RYR3: variants seen among roughly 807,000 people sequenced by gnomAD.
RYR3 encodes brain ryanodine receptor-calcium release channel.
Under a neutral mutation model 584.3 loss-of-function variants are expected in RYR3, and 207 were observed. That is an observed-to-expected ratio of 0.35 (90% CI 0.32 to 0.40). RYR3 has a LOEUF of 0.40. Ranked by LOEUF, RYR3 falls within the 10% of genes least tolerant of loss-of-function variation. The pLI, the probability that RYR3 is intolerant of heterozygous loss-of-function variation, is 1.00. For missense variants in RYR3, 5,616 were observed against 6,089.2 expected (o/e 0.92, Z 2.59); for synonymous variants, 2,416 against 2,248.5 (o/e 1.07, Z -2.11).
chr15:33,356,650 T>G (rs1974017753), intron 1 of RYR3, among the ~76,000 whole-genome samples: 2 of 152,202 alleles, frequency 1.3e-5, no homozygotes, highest in South Asian at 4.1e-4. Flanking sequence ...TTTTGAGGAT[T>G]AAATGAGAGA....
At chr15:33,812,787 T>C in intron 72 of RYR3, 76 bp from the exon 73 acceptor site, 1 of 1,469,702 alleles carries the variant, frequency 6.8e-7, no homozygotes, top group Non-Finnish European at 9.3e-7. Context: ...TACAGAACCA[T>C]GGTAGGACCA....
intron 100 of RYR3, among the ~76,000 whole-genome samples, 172 bp from the exon 101 acceptor site, chr15:33,860,420 CAAT>C (rs1887755655): frequency 6.6e-6 from 1 of 151,914 alleles, no homozygotes; most frequent in Admixed American, 6.6e-5. Context: ...TTAGGAGGAA[CAAT>C]GAGAAATTGT....
chr15:33,820,696 A>G, intron 77 of RYR3, 60 bp from the exon 78 acceptor site: 1 of 1,426,250 alleles, frequency 7.0e-7, no homozygotes, highest in Non-Finnish European at 9.7e-7. Flanking sequence ...AGTTGTGTTT[A>G]TTAGATTTCC....
At chr15:33,455,749 C>G (rs550755618) in intron 1 of RYR3, among the ~76,000 whole-genome samples, 1 of 151,898 alleles carries the variant, frequency 6.6e-6, no homozygotes, top group South Asian at 2.1e-4. Flanking sequence ...GATATTGGTC[C>G]TGGAAGAAAA....
chr15:33,629,888 A>G lies in RYR3; in HGVS notation c.2680-52A>G, dbSNP rs975084414. 3.1e-6 allele frequency: 3 copies of G among 956,598 alleles called. No homozygotes were observed. In the Admixed American group the frequency reaches 6.8e-5, roughly 22 times the overall value. 59.3% of individuals were successfully genotyped at this position (956,598 alleles called of 1,614,324 possible). A position where few individuals can be genotyped will look rare whatever the true frequency, so the allele number is the denominator to read the frequency against. On this transcript the variant is annotated intron_variant, in intron 21 of 103. Transcript: ENST00000634891. The stretch of plus-strand genomic sequence containing the variant: ...TATGTTCTGTTCTGTTTTCCCATGC[A>G]GTGCCAGCTGGTCAAAACTTAAATC...
intron 1 of RYR3, among the ~76,000 whole-genome samples, chr15:33,384,323 A>G (rs1030617812): frequency 2.0e-5 from 3 of 152,042 alleles, no homozygotes; most frequent in Admixed American, 2.0e-4. Context: ...AATGCAGGCC[A>G]GAGGCATCCG....
At chr15:33,394,065 C>T (rs1255262215) in intron 1 of RYR3, among the ~76,000 whole-genome samples, 1 of 152,208 alleles carries the variant, frequency 6.6e-6, no homozygotes, top group East Asian at 1.9e-4. Flanking sequence ...TTTGTGTTCT[C>T]TGCACCATCT....
intron 1 of RYR3, among the ~76,000 whole-genome samples, chr15:33,427,416 T>C (rs940824935): frequency 1.3e-5 from 2 of 152,190 alleles, no homozygotes; most frequent in East Asian, 1.9e-4. Flanking sequence ...TTAAGCAACA[T>C]AGACCTCATC....
intron 1 of RYR3, among the ~76,000 whole-genome samples, chr15:33,319,458 T>C (rs994704632): frequency 6.6e-5 from 10 of 152,214 alleles, no homozygotes; most frequent in Non-Finnish European, 1.5e-5. Context: ...CTCCAAGTAA[T>C]CCTCTCTTCT....
At chr15:33,338,496 G>T (rs914772642) in intron 1 of RYR3, among the ~76,000 whole-genome samples, 4 of 152,202 alleles carry the variant, frequency 2.6e-5, no homozygotes, top group African/African-American at 4.8e-5. Flanking sequence ...GTGCGTTTGT[G>T]TCTGGTGGGC....
In RYR3 at chr15:33,550,117, A is replaced by G. The variant is rs762919687; in HGVS notation, c.816-43A>G. 5.0e-6 allele frequency: 8 copies of G among 1,596,578 alleles called. No individual in the cohort carries two copies. In the African/African-American group the frequency reaches 8.1e-5, roughly 16 times the overall value. On this transcript the variant is annotated intron_variant, in intron 9 of 103. Transcript: ENST00000634891. ...ATAGGATAAATACTGAAAAGGACTT[A>G]TTTTTGTATAAATGCAATTTCTTGT...
chr15:33,435,511 T>C (rs978948208), intron 1 of RYR3, among the ~76,000 whole-genome samples: 4 of 152,224 alleles, frequency 2.6e-5, no homozygotes, highest in Admixed American at 6.5e-5. Flanking sequence ...AACATTCTTA[T>C]ACTTGTGTGA....
intron 1 of RYR3, among the ~76,000 whole-genome samples, chr15:33,325,188 C>T (rs987619139): frequency 2.0e-5 from 3 of 152,114 alleles, no homozygotes; most frequent in Non-Finnish European, 4.4e-5. Flanking sequence ...GTACCTTGGA[C>T]AACATTTCTG....
intron 1 of RYR3, among the ~76,000 whole-genome samples, chr15:33,408,229 C>G (rs1435145831): frequency 6.6e-6 from 1 of 152,156 alleles, no homozygotes; most frequent in Non-Finnish European, 1.5e-5. Context: ...TAATGCTTAG[C>G]TGACACTTAT....
chr15:33,799,515 G>T (rs373436351), intron 67 of RYR3, among the ~76,000 whole-genome samples: 1 of 152,208 alleles, frequency 6.6e-6, no homozygotes, highest in Admixed American at 6.5e-5. Flanking sequence ...AAGGTGGTGT[G>T]CCTGGAGAAG....
chr15:33,767,862 C>G (rs1035316138), intron 60 of RYR3, among the ~76,000 whole-genome samples: 6 of 152,188 alleles, frequency 3.9e-5, no homozygotes, highest in African/African-American at 1.4e-4. Flanking sequence ...CCACAGTGCC[C>G]CTAGGTGAGG....
chr15:33,836,236 A>T (rs1048640503), intron 87 of RYR3, among the ~76,000 whole-genome samples: 6 of 143,708 alleles, frequency 4.2e-5, no homozygotes, highest in African/African-American at 1.6e-4. Context: ...GACTCGGAAT[A>T]CCTTTTTAAT....
intron 55 of RYR3, 131 bp downstream of exon 55, chr15:33,748,661 C>T: frequency 3.8e-6 from 3 of 788,732 alleles, no homozygotes; most frequent in Non-Finnish European, 6.3e-6. Flanking sequence ...TGAAGACGGT[C>T]ACCTTGTGCA....
At chr15:33,332,603 C>G (rs911364294) in intron 1 of RYR3, among the ~76,000 whole-genome samples, 3 of 152,000 alleles carry the variant, frequency 2.0e-5, no homozygotes, top group African/African-American at 7.2e-5. Context: ...CTTATTCTCT[C>G]ATTACAGAAC....
Sources: allele counts gnomAD v4.1 joint callset (sites outside exome capture counted in the v4.1 genomes callset), GRCh38; gene constraint gnomAD v4.1.1; transcripts MANE v1.5; gene names NCBI Gene and HGNC (gene_info 2026-07-23, HGNC 2026-07-21).